FRAS1: variants seen among roughly 807,000 people sequenced by gnomAD.
FRAS1 encodes extracellular matrix organizing protein FRAS1.
FRAS1 carries 290 observed loss-of-function variants against 435.2 expected under a neutral mutation model. The observed-to-expected ratio is 0.67, with a 90% CI of 0.61 to 0.73. FRAS1 has a LOEUF of 0.73. Ranked by LOEUF, FRAS1 falls within the 30% of genes least tolerant of loss-of-function variation. FRAS1 has a pLI of 0.00. For synonymous variants in FRAS1, 1,800 were observed against 1,851.0 expected (o/e 0.97, Z 0.71); for missense variants, 4,860 against 5,001.5 (o/e 0.97, Z 0.85).
chr4:78,217,612 T>C (rs1181161267), intron 2 of FRAS1, among the ~76,000 whole-genome samples: 1 of 152,148 alleles, frequency 6.6e-6, no homozygotes. Flanking sequence ...TTTTATTTTG[T>C]TAGCTCTTAA....
Position 78,337,931 on chromosome 4 carries a change from A to G in FRAS1, c.2422+114A>G, listed in dbSNP as rs1730241609. On this transcript the variant is annotated intron_variant, in intron 20 of 73. Transcript: ENST00000512123. ...GTTTATGAGCTCTTTTATAGGAGAC[A>G]TTTGTTTCATGTCTGGAAACTCATG... 5.1e-6 allele frequency: 5 copies of G among 987,098 alleles called. No individual in the cohort carries two copies. In the South Asian group the frequency reaches 7.1e-5, roughly 14 times the overall value. 61.1% of individuals were successfully genotyped at this position (987,098 alleles called of 1,614,324 possible).
intron 15 of FRAS1, among the ~76,000 whole-genome samples, chr4:78,308,946 C>T (rs893275857): frequency 6.6e-6 from 1 of 152,176 alleles, no homozygotes; most frequent in Non-Finnish European, 1.5e-5. Flanking sequence ...CCTTGAATGG[C>T]AAAGAGGACT....
intron 2 of FRAS1, among the ~76,000 whole-genome samples, chr4:78,102,437 TA>T (rs1187679781): frequency 6.6e-6 from 1 of 152,174 alleles, no homozygotes; most frequent in Non-Finnish European, 1.5e-5. Context: ...TAAGTACCCA[TA>T]TGCTAATTGG....
intron 2 of FRAS1, among the ~76,000 whole-genome samples, chr4:78,131,616 G>A (rs1417391358): frequency 1.3e-5 from 2 of 152,160 alleles, no homozygotes; most frequent in Admixed American, 1.3e-4. Flanking sequence ...ACCTCAATTT[G>A]TGCCACTTGG....
At chr4:78,306,238 A>T (rs1041685818) in intron 14 of FRAS1, among the ~76,000 whole-genome samples, 1 of 151,620 alleles carries the variant, frequency 6.6e-6, no homozygotes, top group Non-Finnish European at 1.5e-5. Flanking sequence ...ATCCGCTGTT[A>T]GTCTGATGGG....
chr4:78,435,894 T>C (rs1282212601), intron 38 of FRAS1, among the ~76,000 whole-genome samples: 15 of 152,058 alleles, frequency 9.9e-5, no homozygotes, highest in Admixed American at 9.8e-4. Context: ...TACAGACAGA[T>C]CAAGTACTGA....
chr4:78,095,644 G>A (rs1006171588), intron 2 of FRAS1, among the ~76,000 whole-genome samples: 19 of 152,352 alleles, frequency 1.2e-4, no homozygotes, highest in Admixed American at 3.9e-4. Context: ...AACAAGTCAC[G>A]TCTTACGTGG....
chr4:78,249,490 T>A (rs1383632617), intron 4 of FRAS1, among the ~76,000 whole-genome samples: 1 of 151,768 alleles, frequency 6.6e-6, no homozygotes, highest in East Asian at 1.9e-4. Context: ...ACCCAGCTAA[T>A]TTTTGTATTT....
intron 9 of FRAS1, among the ~76,000 whole-genome samples, chr4:78,270,598 G>A (rs924291251): frequency 7.4e-6 from 1 of 135,210 alleles, no homozygotes; most frequent in Non-Finnish European, 1.5e-5. Context: ...TCATTTAGGT[G>A]ATAGGGAGTC....
intron 58 of FRAS1, among the ~76,000 whole-genome samples, chr4:78,484,544 C>T (rs914641952): frequency 6.6e-5 from 10 of 152,212 alleles, no homozygotes; most frequent in Admixed American, 5.9e-4. Flanking sequence ...TTGCCTAACC[C>T]AAGGTAACAA....
At chr4:78,454,120 T>A (rs1719111711) in intron 47 of FRAS1, among the ~76,000 whole-genome samples, 1 of 149,090 alleles carries the variant, frequency 6.7e-6, no homozygotes, top group Admixed American at 6.7e-5. Context: ...AATAATAAGA[T>A]GACAGTTGAG....
chr4:78,255,750 A>G (rs1448881711), intron 6 of FRAS1, among the ~76,000 whole-genome samples: 1 of 152,246 alleles, frequency 6.6e-6, no homozygotes, highest in Admixed American at 6.5e-5. Context: ...TTTAAGACAT[A>G]ATGCATATCT....
At chr4:78,145,200 T>A (rs1211274762) in intron 2 of FRAS1, among the ~76,000 whole-genome samples, 1 of 152,132 alleles carries the variant, frequency 6.6e-6, no homozygotes, top group Non-Finnish European at 1.5e-5. Flanking sequence ...GCTGAGTCAG[T>A]TTACAACAGG....
At position 78,252,499 on chromosome 4, in the gene FRAS1, G is replaced by A. The variant is rs770887859; in HGVS notation, c.417G>A (p.Glu139=). The A allele has an allele frequency of 6.2e-7, 1 of 1,613,718 alleles. No individual in the cohort carries two copies. The highest frequency in any genetic ancestry group is 1.3e-5 in the African/African-American group (1 of 74,908). The change falls in exon 5 of 74, where the codon GAG becomes GAA. Residue 139 remains glutamate (E), a synonymous_variant. Transcript: ENST00000512123. ...CACCGCTGTCATGTGGACACCAGGA[G>A]CTGGCATTCATCCCTGAAGGAAGCT... The part of the protein sequence containing the change: ...PCPPLSCGHQ[E]LAFIPEGSCC...
chr4:78,470,927 A>G (rs542492137), intron 51 of FRAS1, among the ~76,000 whole-genome samples: 1 of 152,298 alleles, frequency 6.6e-6, no homozygotes, highest in Non-Finnish European at 1.5e-5. Flanking sequence ...AATTGTTCAT[A>G]TGGCCCAAAT....
Position 78,379,834 on chromosome 4 carries a change from G to A in FRAS1, c.3401G>A (p.Arg1134Lys). Residue 1134 changes from arginine (R) to lysine (K), a missense_variant, in exon 27 of 74, where the codon AGG becomes AAG. By Grantham distance (26) the Arg-to-Lys change is conservative (BLOSUM62 2). Coordinates refer to ENST00000512123, the MANE Select transcript of FRAS1 (RefSeq NM_025074.7). The part of the protein sequence containing the change: ...SLLNVQDQEG[R>K]VEDLLFHVVS... ...CTGAATGTCCAAGACCAGGAGGGTAGGGTCGAAGATCTCCTATTTCATGTT... is the reference window on the plus strand; with the variant it reads ...CTGAATGTCCAAGACCAGGAGGGTAAGGTCGAAGATCTCCTATTTCATGTT... 6.2e-7 allele frequency: 1 copy of A among 1,613,890 alleles called. No homozygotes were observed.
chr4:78,337,577 G>T (rs1026352546), intron 19 of FRAS1, 97 bp from the exon 20 acceptor site: 1 of 1,361,956 alleles, frequency 7.3e-7, no homozygotes, highest in Non-Finnish European at 1.0e-6. Context: ...TAGAGTTGGA[G>T]GTCTGCTTTT....
At chr4:78,175,295 T>C (rs569920525) in intron 2 of FRAS1, among the ~76,000 whole-genome samples, 9 of 152,366 alleles carry the variant, frequency 5.9e-5, no homozygotes, top group Admixed American at 2.6e-4. Flanking sequence ...TAATTGCTTT[T>C]ACTGTTCTTT....
intron 6 of FRAS1, among the ~76,000 whole-genome samples, chr4:78,260,057 T>C (rs1456161128): frequency 1.3e-5 from 2 of 151,934 alleles, no homozygotes; most frequent in Non-Finnish European, 1.5e-5. Context: ...GTTCCATTGA[T>C]CTATATCTCT....
Sources: gnomAD v4.1 joint callset for allele counts (sites outside exome capture counted in the v4.1 genomes callset) on GRCh38, gnomAD v4.1.1 for gene constraint, MANE v1.5 for transcripts, NCBI Gene and HGNC (gene_info 2026-07-23, HGNC 2026-07-21) for gene names.